ZNF33A: variants seen among roughly 807,000 people sequenced by gnomAD.
The protein encoded by ZNF33A is zinc finger protein 33A.
A neutral mutation model predicts 15.9 loss-of-function variants in ZNF33A; 9 were observed. That is an observed-to-expected ratio of 0.57 (90% confidence interval 0.34 to 0.99). The LOEUF (loss-of-function observed/expected upper bound fraction) is 0.99, where lower values mean the gene tolerates loss of function less well. Ranked by LOEUF, ZNF33A falls within the 50% of genes least tolerant of loss-of-function variation. The pLI is 0.02. For synonymous variants in ZNF33A, 294 were observed against 324.2 expected, an observed-to-expected ratio of 0.91 and a Z score of 1.00; for missense variants, 843 against 941.6, an observed-to-expected ratio of 0.90 and a Z score of 1.37.
At chr10:38,021,128 A>G (rs640774) in intron 4 of ZNF33A, among the ~76,000 whole-genome samples, 79,961 of 152,014 alleles carry the variant, frequency 0.53, 21,357 homozygotes, top group South Asian at 0.71. Context: ...AATGAACAAC[A>G]TAGGTTGATA....
Position 38,016,836 on chromosome 10 carries a change from T to A in ZNF33A, c.10-35T>A. ...ATCATGGTAAGGATTAGCCCATACT[T>A]CTTTTTTCATGCCACCTAATTCTGA... On this transcript the variant is annotated intron_variant, in intron 2 of 4. Transcript: ENST00000432900. 2.5e-6 allele frequency: 4 copies of A among 1,609,828 alleles called. No individual in the cohort carries two copies. The South Asian group carries it at 3.3e-5, about 13-fold the overall frequency.
chr10:38,051,022 ATT>A (rs2066176183), intron 4 of ZNF33A, among the ~76,000 whole-genome samples: 2 of 152,182 alleles, frequency 1.3e-5, no homozygotes. Flanking sequence ...TTCATATAAA[ATT>A]TTGGATGAAT....
chr10:38,039,437 G>A (rs952618332), intron 4 of ZNF33A: 1 of 453,696 alleles, frequency 2.2e-6, no homozygotes, highest in African/African-American at 2.0e-5. Flanking sequence ...CATGTTCCTG[G>A]GCTGGTCTTA....
chr10:38,064,035 C>G, downstream of ZNF33A: 3 of 1,556,340 alleles, frequency 1.9e-6, no homozygotes, highest in Non-Finnish European at 2.6e-6. Context: ...TTCACATCAA[C>G]CCTACGACAG....
At chr10:38,022,307 ACCAT>A (rs1668230478) in intron 4 of ZNF33A, among the ~76,000 whole-genome samples, 2 of 152,196 alleles carry the variant, frequency 1.3e-5, no homozygotes, top group Non-Finnish European at 2.9e-5. Flanking sequence ...ATATCACTCC[ACCAT>A]CCATTTAACA....
chr10:38,017,280 C>G lies in ZNF33A; in HGVS notation c.155-11C>G, dbSNP rs754198118. On this transcript the variant is annotated splice_polypyrimidine_tract_variant and intron_variant, in intron 3 of 4. Transcript: ENST00000432900. ...GCTTGGTCCAAATCCTAAATTATTT[C>G]CTGTTAACAGGGTATTGTGTTCACA... The G allele has an allele frequency of 3.1e-6, 5 of 1,611,608 alleles. No individual in the cohort carries two copies. Among genetic ancestry groups the G allele is most frequent in the Non-Finnish European group, 4.2e-6 (5 of 1,178,282 alleles).
chr10:38,062,947 G>A (rs965532485), downstream of ZNF33A, among the ~76,000 whole-genome samples: 1 of 139,494 alleles, frequency 7.2e-6, no homozygotes, highest in Non-Finnish European at 1.5e-5. Flanking sequence ...AGCTTGCAGT[G>A]AGCTGAGATC....
chr10:38,027,080 A>G (rs931964793), intron 4 of ZNF33A, among the ~76,000 whole-genome samples: 3 of 152,144 alleles, frequency 2.0e-5, no homozygotes, highest in South Asian at 4.1e-4. Flanking sequence ...TTGTCTGTCT[A>G]TACCAATGCC....
intron 4 of ZNF33A, among the ~76,000 whole-genome samples, chr10:38,038,601 T>A (rs530937869): frequency 6.6e-6 from 1 of 152,320 alleles, no homozygotes; most frequent in East Asian, 1.9e-4. Flanking sequence ...CTTGCTTTTC[T>A]TGACTAGAAT....
chr10:38,038,794 G>C (rs896820247), intron 4 of ZNF33A, among the ~76,000 whole-genome samples: 11 of 152,072 alleles, frequency 7.2e-5, no homozygotes, highest in African/African-American at 2.7e-4. Context: ...TAGAGAAGAT[G>C]GTCATTGGAT....
At position 38,054,918 on chromosome 10, in the gene ZNF33A, A is replaced by G. The variant is rs766489890; in HGVS notation, c.794A>G (p.His265Arg). The G allele has an allele frequency of 3.7e-6, 6 of 1,613,978 alleles. No homozygotes were observed. The highest frequency in any genetic ancestry group is 5.1e-6 in the Non-Finnish European group (6 of 1,179,988). Residue 265 changes from histidine to arginine, a missense_variant, in exon 5 of 5, where the codon CAT becomes CGT. Physicochemically the swap from His to Arg is conservative, Grantham distance 29. Transcript: ENST00000432900. ...TGTGATAGTTCATCCCTCTTGTTCCATCAGATATCTCCGTCAAGGGACAAT... is the reference window on the plus strand; with the variant it reads ...TGTGATAGTTCATCCCTCTTGTTCCGTCAGATATCTCCGTCAAGGGACAAT... ...TLCDSSSLLF[H>R]QISPSRDNHY...
At chr10:38,065,485 A>G (rs1330162682), downstream of ZNF33A, among the ~76,000 whole-genome samples, 2 of 152,232 alleles carry the variant, frequency 1.3e-5, no homozygotes, top group Non-Finnish European at 2.9e-5. Context: ...TGTCCCAGGC[A>G]GTTTGTAAAA....
At chr10:38,047,426 G>A (rs187889787) in intron 4 of ZNF33A, among the ~76,000 whole-genome samples, 63 of 151,574 alleles carry the variant, frequency 4.2e-4, no homozygotes, top group African/African-American at 1.5e-3. Flanking sequence ...TCAAGAGATC[G>A]AGACTATGTT....
In ZNF33A at chr10:38,056,509, A is replaced by T; in HGVS notation, c.2385A>T (p.Ser795=). Reference sequence around the variant, plus strand: ...CACAAGTCAGCCTCCATAATGCCTCAGAGTATTCACACTGTGGAGAAAGCC... The same window carrying T: ...CACAAGTCAGCCTCCATAATGCCTCTGAGTATTCACACTGTGGAGAAAGCC... ...FQPQVSLHNA[S]EYSHCGESPD... The change falls in exon 5 of 5, where the codon TCA becomes TCT. Residue 795 remains serine, a synonymous_variant. Transcript: ENST00000432900. 1 of 1,608,916 alleles carries T rather than the reference A, an allele frequency of 6.2e-7. No homozygotes were observed.
intron 4 of ZNF33A, among the ~76,000 whole-genome samples, chr10:38,048,071 A>T (rs781772399): frequency 1.3e-5 from 2 of 152,214 alleles, no homozygotes; most frequent in Non-Finnish European, 2.9e-5. Context: ...CTCAGTAAAA[A>T]TAGCTATAAG....
intron 1 of ZNF33A, among the ~76,000 whole-genome samples, chr10:38,011,147 C>T (rs1015606345): frequency 6.6e-6 from 1 of 152,240 alleles, no homozygotes; most frequent in African/African-American, 2.4e-5. Flanking sequence ...CAGTCGCCCG[C>T]CAGACCGGCA....
intron 4 of ZNF33A, among the ~76,000 whole-genome samples, chr10:38,052,650 C>T (rs966168019): frequency 1.3e-5 from 2 of 152,054 alleles, no homozygotes; most frequent in African/African-American, 4.8e-5. Context: ...ACTTTAGTTA[C>T]TCTACTTCTA....
intron 4 of ZNF33A, among the ~76,000 whole-genome samples, chr10:38,050,179 C>T (rs2066138604): frequency 6.6e-6 from 1 of 152,140 alleles, no homozygotes; most frequent in African/African-American, 2.4e-5. Flanking sequence ...GCCCTAATAA[C>T]AAAACGAGAC....
intron 4 of ZNF33A, among the ~76,000 whole-genome samples, chr10:38,025,477 G>A (rs1412648584): frequency 6.6e-6 from 1 of 152,220 alleles, no homozygotes; most frequent in Non-Finnish European, 1.5e-5. Context: ...CTTACAGGAA[G>A]AGGAAGTGAG....
Sources: gnomAD v4.1 joint callset for allele counts (sites outside exome capture counted in the v4.1 genomes callset) on GRCh38, gnomAD v4.1.1 for gene constraint, MANE v1.5 for transcripts, NCBI Gene and HGNC (gene_info 2026-07-23, HGNC 2026-07-21) for gene names.